Variants in MSRA observed in about 807,000 individuals in gnomAD.
The protein encoded by MSRA is methionine sulfoxide reductase A.
MSRA carries 54 observed loss-of-function variants against 31.3 expected under a neutral mutation model. The ratio of observed to expected loss-of-function variants is 1.73; its 90% CI spans 1.39 to 2.17. The LOEUF is 2.17. MSRA is among the 30% of genes most tolerant of loss of function. The pLI, the probability that MSRA is intolerant of heterozygous loss-of-function variation, is 0.00. For missense variants in MSRA, 507 were observed against 300.9 expected (o/e 1.69, Z -5.07); for synonymous variants, 169 against 116.5 (o/e 1.45, Z -2.90).
At chr8:10,291,164 G>A (rs1284808470) in intron 3 of MSRA, among the ~76,000 whole-genome samples, 2 of 152,136 alleles carry the variant, frequency 1.3e-5, no homozygotes, top group African/African-American at 2.4e-5. Context: ...CTGCTTTCTT[G>A]AAGACTTTTC....
At chr8:10,311,723 G>A (rs1233042378) in intron 4 of MSRA, among the ~76,000 whole-genome samples, 3 of 152,042 alleles carry the variant, frequency 2.0e-5, no homozygotes, top group African/African-American at 7.2e-5. Flanking sequence ...GACCAGTCTG[G>A]GTGACATAGT....
intron 2 of MSRA, among the ~76,000 whole-genome samples, chr8:10,229,355 A>C (rs1811267432): frequency 6.6e-6 from 1 of 152,208 alleles, no homozygotes; most frequent in South Asian, 2.1e-4. Context: ...AAAGAGTTTT[A>C]TGCTTGAGAA....
intron 1 of MSRA, among the ~76,000 whole-genome samples, chr8:10,162,619 G>A (rs552318471): frequency 3.3e-5 from 5 of 152,148 alleles, no homozygotes; most frequent in East Asian, 1.9e-4. Context: ...GGGGAAACCC[G>A]TAGCTCTGTG....
chr8:10,213,904 G>C (rs768512303), intron 2 of MSRA, among the ~76,000 whole-genome samples: 2 of 152,094 alleles, frequency 1.3e-5, no homozygotes, highest in Non-Finnish European at 2.9e-5. Flanking sequence ...TCACGTCCAG[G>C]CTTTTTGGTG....
At chr8:10,315,444 TTCACTTTATAA>T (rs1191325923) in intron 4 of MSRA, among the ~76,000 whole-genome samples, 1 of 152,260 alleles carries the variant, frequency 6.6e-6, no homozygotes, top group Non-Finnish European at 1.5e-5. Context: ...GATGTGAGTA[TTCACTTTATAA>T]TCACTAATTA....
At chr8:10,249,141 C>G (rs1325227511) in intron 3 of MSRA, among the ~76,000 whole-genome samples, 3 of 152,158 alleles carry the variant, frequency 2.0e-5, no homozygotes, top group African/African-American at 7.2e-5. Flanking sequence ...TATCACTAAC[C>G]TCGTGTTCTG....
intron 1 of MSRA, 38 bp downstream of exon 1, chr8:10,054,696 C>T: frequency 6.7e-7 from 1 of 1,481,988 alleles, no homozygotes; most frequent in Non-Finnish European, 9.0e-7. Context: ...GGCGGCGACG[C>T]TGCGCATGCG....
At chr8:10,283,865 A>ACT (rs1294660319) in intron 3 of MSRA, among the ~76,000 whole-genome samples, 1 of 143,904 alleles carries the variant, frequency 6.9e-6, no homozygotes, top group African/African-American at 2.6e-5. Context: ...ACACACACAC[A>ACT]CACATATATA....
chr8:10,129,296 A>G (rs191804142), intron 1 of MSRA, among the ~76,000 whole-genome samples: 2 of 152,284 alleles, frequency 1.3e-5, no homozygotes, highest in East Asian at 3.9e-4. Flanking sequence ...TGTAAAGAGA[A>G]ACAAACTCGG....
chr8:10,090,214 A>G (rs1379638039), intron 1 of MSRA, among the ~76,000 whole-genome samples: 1 of 152,160 alleles, frequency 6.6e-6, no homozygotes, highest in Non-Finnish European at 1.5e-5. Context: ...GAAGACAAAA[A>G]TGACTGGGTG....
At chr8:10,182,028 T>G (rs1350238223) in intron 1 of MSRA, among the ~76,000 whole-genome samples, 6 of 152,114 alleles carry the variant, frequency 3.9e-5, no homozygotes, top group Non-Finnish European at 8.8e-5. Context: ...GAGGATATAG[T>G]TCTCTTGGTA....
Position 10,428,422 on chromosome 8 carries a change from G to C in MSRA, c.*110G>C. 1 of 1,195,756 alleles carries C rather than the reference G, an allele frequency of 8.4e-7. No individual in the cohort carries two copies. Among genetic ancestry groups the C allele is most frequent in the Non-Finnish European group, 1.2e-6 (1 of 844,768 alleles). The allele number at this position is 1,195,756 out of a possible 1,614,324, so 74.1% of individuals were successfully genotyped here. Reference sequence around the variant, plus strand: ...GCATTTAAAGTGCACAAAGTACAAAGGAATTTATACAGATTGGGTTTACCG... The same window carrying C: ...GCATTTAAAGTGCACAAAGTACAAACGAATTTATACAGATTGGGTTTACCG... On this transcript the variant is annotated 3_prime_UTR_variant, in exon 6 of 6. Transcript: ENST00000317173.
chr8:10,255,361 C>T (rs560255572), intron 3 of MSRA, among the ~76,000 whole-genome samples: 1 of 152,326 alleles, frequency 6.6e-6, no homozygotes, highest in South Asian at 2.1e-4. Context: ...GAGCCCCAGG[C>T]AGAGATGTTT....
At chr8:10,121,262 C>T (rs13254175) in intron 1 of MSRA, among the ~76,000 whole-genome samples, 76,336 of 151,920 alleles carry the variant, frequency 0.5, 20,177 homozygotes, top group East Asian at 0.95. Flanking sequence ...ACCGTGAAGA[C>T]AGCTTGAAAT....
intron 1 of MSRA, among the ~76,000 whole-genome samples, chr8:10,145,374 G>A (rs766246150): frequency 1.4e-4 from 22 of 152,202 alleles, no homozygotes; most frequent in Admixed American, 2.6e-4. Flanking sequence ...TGAAATGACC[G>A]TATATGATTT....
At chr8:10,139,072 A>G (rs936400101) in intron 1 of MSRA, among the ~76,000 whole-genome samples, 1 of 152,212 alleles carries the variant, frequency 6.6e-6, no homozygotes, top group African/African-American at 2.4e-5. Flanking sequence ...TTTCATTACT[A>G]TCCCATTAGA....
At chr8:10,085,422 C>A (rs796128811) in intron 1 of MSRA, among the ~76,000 whole-genome samples, 1 of 152,146 alleles carries the variant, frequency 6.6e-6, no homozygotes, top group African/African-American at 2.4e-5. Context: ...TCATTTCTTG[C>A]CACGTGATAT....
intron 2 of MSRA, among the ~76,000 whole-genome samples, chr8:10,213,535 C>A (rs1809710458): frequency 6.9e-6 from 1 of 144,120 alleles, no homozygotes; most frequent in African/African-American, 2.6e-5. Context: ...CTCCTGAGTT[C>A]AAGCAATTCT....
intron 1 of MSRA, among the ~76,000 whole-genome samples, chr8:10,117,647 G>C (rs1479750407): frequency 6.6e-6 from 1 of 152,178 alleles, no homozygotes; most frequent in African/African-American, 2.4e-5. Context: ...ACTGATGAGA[G>C]TGAAAACAAT....
Sources: allele counts gnomAD v4.1 joint callset (sites outside exome capture counted in the v4.1 genomes callset), GRCh38; gene constraint gnomAD v4.1.1; transcripts MANE v1.5; gene names NCBI Gene and HGNC (gene_info 2026-07-23, HGNC 2026-07-21).